The following BCL2L14 variants were observed in gnomAD, a reference collection of about 807,000 sequenced individuals.
BCL2L14 encodes BCL2 like 14.
BCL2L14 carries 27 observed loss-of-function variants against 35.3 expected under a neutral mutation model. The ratio of observed to expected loss-of-function variants is 0.76; its 90% CI spans 0.56 to 1.05. BCL2L14 has a LOEUF of 1.05. Among genes scored for constraint, BCL2L14 ranks in the 50% least tolerant of loss-of-function variants. BCL2L14 has a pLI of 0.00. For synonymous variants in BCL2L14, 139 were observed against 145.9 expected, an observed-to-expected ratio of 0.95 and a Z score of 0.34; for missense variants, 377 against 382.6, an observed-to-expected ratio of 0.99 and a Z score of 0.12.
At chr12:12,079,935 T>C (rs1948873492) in intron 2 of BCL2L14, among the ~76,000 whole-genome samples, 197 bp downstream of exon 2, 1 of 152,242 alleles carries the variant, frequency 6.6e-6, no homozygotes. Flanking sequence ...CTGGGCGCGG[T>C]GGCTCACGCC....
At chr12:12,091,507 G>C (rs1295546315) in intron 4 of BCL2L14, among the ~76,000 whole-genome samples, 1 of 152,230 alleles carries the variant, frequency 6.6e-6, no homozygotes, top group South Asian at 2.1e-4. Context: ...CGACTGAGTA[G>C]TCTCTAGAAT....
chr12:12,060,906 G>A lies in BCL2L14; in HGVS notation c.-272+9059G>A, dbSNP rs1948514319. On this transcript the variant is annotated intron_variant, in intron 2 of 3. Transcript: ENST00000461264. ...AGTCCCGTAGACCATCACAGATGCC[G>A]AGCTTTAGGTAACTCTCACAGTGGA... Among the ~76,000 whole-genome samples the A allele has an allele frequency of 3.7e-5, 2 of 54,396 alleles. 1 individual carries two copies. Among genetic ancestry groups the A allele is most frequent in the Non-Finnish European group, 7.0e-5 (2 of 28,760 alleles). The allele number at this position is 54,396 out of a possible 152,430, so 35.7% of individuals were successfully genotyped here.
intron 4 of BCL2L14, among the ~76,000 whole-genome samples, chr12:12,093,490 T>C (rs1340640385): frequency 1.3e-5 from 2 of 151,828 alleles, no homozygotes; most frequent in Non-Finnish European, 2.9e-5. Context: ...AATAAAAGTT[T>C]CTTAAGAAAA....
chr12:12,064,650 G>T (rs1318178892), intron 2 of BCL2L14, among the ~76,000 whole-genome samples: 2 of 152,178 alleles, frequency 1.3e-5, no homozygotes, highest in Admixed American at 6.5e-5. Flanking sequence ...CAATTTTACA[G>T]TAAAATGAAC....
chr12:12,065,051 C>T (rs1465297373), intron 2 of BCL2L14, among the ~76,000 whole-genome samples: 2 of 152,178 alleles, frequency 1.3e-5, no homozygotes, highest in South Asian at 2.1e-4. Context: ...CCTCTACCCT[C>T]CTAGGTTTTT....
At chr12:12,063,806 C>T (rs966841733) in intron 2 of BCL2L14, among the ~76,000 whole-genome samples, 2 of 152,090 alleles carry the variant, frequency 1.3e-5, no homozygotes, top group Non-Finnish European at 2.9e-5. Context: ...TGGCCTGTTC[C>T]TGCCTTAACT....
chr12:12,062,015 G>T (rs1319880497), intron 2 of BCL2L14, among the ~76,000 whole-genome samples: 1 of 152,138 alleles, frequency 6.6e-6, no homozygotes, highest in Non-Finnish European at 1.5e-5. Context: ...TTTTAGCCTA[G>T]CCCTCATGTC....
chr12:12,075,049 G>T (rs57617021), intron 1 of BCL2L14, among the ~76,000 whole-genome samples: 3,785 of 151,808 alleles, frequency 0.025, 163 homozygotes, highest in African/African-American at 0.087. Flanking sequence ...TTTGAATTAC[G>T]ATTTAATAAA....
At chr12:12,083,050 T>C (rs1591825780) in intron 2 of BCL2L14, among the ~76,000 whole-genome samples, 4 of 152,162 alleles carry the variant, frequency 2.6e-5, no homozygotes. Flanking sequence ...CTGCAACCTC[T>C]GCCTCCTGGG....
At chr12:12,064,873 G>A (rs1228140041) in intron 2 of BCL2L14, among the ~76,000 whole-genome samples, 2 of 152,214 alleles carry the variant, frequency 1.3e-5, no homozygotes, top group Admixed American at 1.3e-4. Context: ...CTGCCTTGGT[G>A]CAGGGCGTGA....
Position 12,087,430 on chromosome 12 carries a change from G to A in BCL2L14, c.607+44G>A, listed in dbSNP as rs201816302. The A allele has an allele frequency of 1.7e-4, 265 of 1,594,750 alleles. 1 individual carries two copies. The East Asian group carries it at 3.8e-3, about 23-fold the overall frequency. ...GGTGGAGTGTTTGCCAGGCAGGGGC[G>A]CAGGAGCATTTGTGTATTTATCCAT... On this transcript the variant is annotated intron_variant, in intron 3 of 5. Coordinates refer to ENST00000308721, the MANE Select transcript of BCL2L14 (RefSeq NM_138723.2).
chr12:12,058,432 T>C (rs531345866), intron 2 of BCL2L14, among the ~76,000 whole-genome samples: 7 of 151,328 alleles, frequency 4.6e-5, no homozygotes, highest in Non-Finnish European at 1.0e-4. Context: ...GTATATTTAG[T>C]AGAGACGGGG....
chr12:12,083,882 A>G lies in BCL2L14; in HGVS notation c.434-3331A>G, dbSNP rs189438471. On this transcript the variant is annotated intron_variant, in intron 2 of 5. Transcript: ENST00000308721. The stretch of plus-strand genomic sequence containing the variant: ...AGAATCACTTGAGCCTGGGAGGCGC[A>G]GGTTGCACTGAGCTGAGATCACACC... Among the ~76,000 whole-genome samples the G allele has an allele frequency of 5.5e-3, 833 of 152,284 alleles. 4 individuals are homozygous for G. The highest frequency in any genetic ancestry group is 0.01 in the Middle Eastern group (3 of 294).
Position 12,056,801 on chromosome 12 carries a change from A to G in BCL2L14, c.-272+4954A>G, listed in dbSNP as rs1948439173. Among the ~76,000 whole-genome samples, 8 of 151,750 alleles carry G rather than the reference A, an allele frequency of 5.3e-5. No individual in the cohort carries two copies. In the South Asian group the frequency reaches 1.7e-3, roughly 31 times the overall value. On this transcript the variant is annotated intron_variant, in intron 2 of 3. Transcript: ENST00000461264. Reference sequence around the variant, plus strand: ...CAGTGAGCCGAGATTGCGCCACTGCACTCCAGCCTGGACGACAAGAGCGAA... The same window carrying G: ...CAGTGAGCCGAGATTGCGCCACTGCGCTCCAGCCTGGACGACAAGAGCGAA...
Position 12,079,575 on chromosome 12 carries a change from G to A in BCL2L14, c.270G>A (p.Lys90=). The change falls in exon 2 of 6, where the codon AAG becomes AAA. Residue 90 remains lysine, a synonymous_variant. Transcript: ENST00000308721. The part of the protein sequence containing the change: ...SEKAINLGKK[K]SSWKAFFGVV... ...AGGCCATAAACCTTGGCAAGAAAAA[G>A]TCTTCTTGGAAAGCATTCTTTGGAG... 1 of 1,614,220 alleles carries A rather than the reference G, an allele frequency of 6.2e-7. No individual in the cohort carries two copies. Among genetic ancestry groups the A allele is most frequent in the Non-Finnish European group, 8.5e-7 (1 of 1,180,038 alleles).
intron 4 of BCL2L14, among the ~76,000 whole-genome samples, chr12:12,092,821 G>T (rs1317195048): frequency 3.3e-5 from 5 of 152,102 alleles, no homozygotes. Flanking sequence ...GAAAAGACAG[G>T]TCTGCCAAAA....
chr12:12,083,074 C>G (rs1948962382), intron 2 of BCL2L14, among the ~76,000 whole-genome samples: 1 of 152,196 alleles, frequency 6.6e-6, no homozygotes, highest in Admixed American at 6.5e-5. Flanking sequence ...ACACCATTCT[C>G]CTGCCTCAGC....
At chr12:12,080,489 G>A (rs911239997) in intron 2 of BCL2L14, among the ~76,000 whole-genome samples, 2 of 151,930 alleles carry the variant, frequency 1.3e-5, no homozygotes, top group Admixed American at 6.6e-5. Context: ...GCATGGTGGC[G>A]CATGCTTGTA....
chr12:12,084,205 C>T (rs1797660), intron 2 of BCL2L14, among the ~76,000 whole-genome samples: 81,291 of 152,040 alleles, frequency 0.53, 22,723 homozygotes, highest in Non-Finnish European at 0.62. Flanking sequence ...ATGATGGCCT[C>T]GCCTTGGCCT....
Sources: gnomAD v4.1 joint callset for allele counts (sites outside exome capture counted in the v4.1 genomes callset) on GRCh38, gnomAD v4.1.1 for gene constraint, MANE v1.5 for transcripts, NCBI Gene and HGNC (gene_info 2026-07-23, HGNC 2026-07-21) for gene names.